PACRG: variants seen among roughly 807,000 people sequenced by gnomAD.
PACRG encodes the protein parkin coregulated, also known as parkin coregulated gene protein.
Under a neutral mutation model 29.7 loss-of-function variants are expected in PACRG, and 29 were observed. The observed-to-expected ratio is 0.98, with a 90% CI of 0.73 to 1.33. The LOEUF (loss-of-function observed/expected upper bound fraction) is 1.33, where lower values mean the gene tolerates loss of function less well. Among genes scored for constraint, PACRG ranks in the 40% most tolerant of loss-of-function variants. The pLI is 0.00. For missense variants in PACRG, 279 were observed against 316.2 expected (o/e 0.88, Z 0.89); for synonymous variants, 116 against 118.7 (o/e 0.98, Z 0.15).
chr6:162,728,227 T>C lies in PACRG; in HGVS notation c.-9T>C. The C allele has an allele frequency of 6.2e-7, 1 of 1,612,716 alleles. No homozygotes were observed. Among genetic ancestry groups the C allele is most frequent in the South Asian group, 1.1e-5 (1 of 91,024 alleles). ...CACTTTTTATGAGAACAAGACATTT[T>C]CTAGGAAGATGGTGGCAGAAAAAGA... On this transcript the variant is annotated 5_prime_UTR_variant, in exon 1 of 5. Transcript: ENST00000366888.
intron 4 of PACRG, among the ~76,000 whole-genome samples, chr6:163,194,331 T>C (rs1189417956): frequency 6.6e-6 from 1 of 152,216 alleles, no homozygotes; most frequent in Non-Finnish European, 1.5e-5. Context: ...TTCCTCTTGA[T>C]GTCTCTCTTT....
At chr6:162,823,732 C>G (rs1788039987) in intron 2 of PACRG, among the ~76,000 whole-genome samples, 1 of 152,102 alleles carries the variant, frequency 6.6e-6, no homozygotes, top group Non-Finnish European at 1.5e-5. Context: ...CCAAGATGGT[C>G]TCGATCTCCT....
At chr6:163,300,570 G>C (rs1189440722) in intron 4 of PACRG, among the ~76,000 whole-genome samples, 4 of 152,216 alleles carry the variant, frequency 2.6e-5, no homozygotes, top group Non-Finnish European at 5.9e-5. Flanking sequence ...TCTCCTCGTG[G>C]CCAGCAACGG....
intron 2 of PACRG, among the ~76,000 whole-genome samples, chr6:162,944,834 C>T (rs181327580): frequency 1.3e-5 from 2 of 151,514 alleles, no homozygotes; most frequent in East Asian, 1.9e-4. Context: ...TATAAGACAC[C>T]ATAAAGTGTC....
intron 1 of PACRG, among the ~76,000 whole-genome samples, chr6:162,775,460 A>G (rs187303986): frequency 6.6e-6 from 1 of 152,376 alleles, no homozygotes; most frequent in African/African-American, 2.4e-5. Flanking sequence ...TCAATTTTAC[A>G]TAATACAAAT....
chr6:162,797,862 G>A (rs753720742), intron 1 of PACRG, among the ~76,000 whole-genome samples: 4 of 151,396 alleles, frequency 2.6e-5, no homozygotes, highest in Non-Finnish European at 5.9e-5. Flanking sequence ...CTTGCTTTCC[G>A]AATTCTGGTG....
chr6:162,793,684 C>T (rs185512194), intron 1 of PACRG, among the ~76,000 whole-genome samples: 1 of 152,316 alleles, frequency 6.6e-6, no homozygotes, highest in African/African-American at 2.4e-5. Context: ...ATGTGTCAGG[C>T]TATGGAATTT....
intron 1 of PACRG, among the ~76,000 whole-genome samples, chr6:162,760,543 C>T (rs183580582): frequency 1.5e-3 from 235 of 152,052 alleles, no homozygotes; most frequent in Admixed American, 3.7e-3. Flanking sequence ...CCAAACTAGG[C>T]GCTTATGTTT....
At chr6:163,123,542 A>G in intron 4 of PACRG, among the ~76,000 whole-genome samples, 1 of 152,172 alleles carries the variant, frequency 6.6e-6, no homozygotes, top group Non-Finnish European at 1.5e-5. Context: ...TCCTAACAGA[A>G]TTTTAAGTGC....
intron 4 of PACRG, among the ~76,000 whole-genome samples, chr6:163,301,675 G>A (rs1344414984): frequency 1.3e-5 from 2 of 152,158 alleles, no homozygotes; most frequent in Non-Finnish European, 2.9e-5. Context: ...CGTTCTGTGG[G>A]GCTATACTTC....
chr6:163,067,784 T>G (rs1393049134), intron 3 of PACRG, among the ~76,000 whole-genome samples: 1 of 152,210 alleles, frequency 6.6e-6, no homozygotes, highest in Non-Finnish European at 1.5e-5. Flanking sequence ...CAAACATACC[T>G]TCTTCCCCAC....
intron 4 of PACRG, among the ~76,000 whole-genome samples, chr6:163,133,802 A>G (rs1259756952): frequency 6.6e-6 from 1 of 152,172 alleles, no homozygotes; most frequent in Non-Finnish European, 1.5e-5. Context: ...TTTACTTGCT[A>G]TTTAGCTGCA....
intron 2 of PACRG, among the ~76,000 whole-genome samples, chr6:163,033,371 A>G (rs1283099488): frequency 1.3e-5 from 2 of 152,264 alleles, no homozygotes; most frequent in African/African-American, 4.8e-5. Context: ...TCCAAAATAA[A>G]TGGAACAGTT....
chr6:162,957,758 A>G (rs1237795065), intron 2 of PACRG, among the ~76,000 whole-genome samples: 2 of 152,132 alleles, frequency 1.3e-5, no homozygotes, highest in African/African-American at 4.8e-5. Context: ...ACTCGAATTT[A>G]ATCTGAGTTA....
intron 4 of PACRG, among the ~76,000 whole-genome samples, chr6:163,305,887 C>T (rs1441374847): frequency 1.3e-5 from 2 of 152,190 alleles, no homozygotes; most frequent in Non-Finnish European, 2.9e-5. Flanking sequence ...GCTGATGATA[C>T]GGGGCTAAAG....
intron 2 of PACRG, among the ~76,000 whole-genome samples, chr6:162,974,141 A>G (rs781476273): frequency 2.0e-5 from 3 of 152,248 alleles, no homozygotes; most frequent in South Asian, 2.1e-4. Context: ...AGTTGCCTGC[A>G]TTGACGGGGC....
In PACRG at chr6:163,261,074, C is replaced by CA. The variant is rs759577211; in HGVS notation, c.614-53745dup. ...TCCAAAAACAGCCACGACATCAATG[C>CA]AAAAAAAATGTTGTTTTCCAGGAGT... On this transcript the variant is annotated intron_variant, in intron 4 of 4. Coordinates refer to ENST00000366888, the MANE Select transcript of PACRG (RefSeq NM_001080379.2). Among the ~76,000 whole-genome samples, 170 of 151,656 alleles carry CA rather than the reference C, an allele frequency of 1.1e-3. 1 individual carries two copies. Among genetic ancestry groups the CA allele is most frequent in the East Asian group, 1.2e-3 (6 of 5,140 alleles).
At chr6:163,231,698 C>T (rs1160312578) in intron 4 of PACRG, among the ~76,000 whole-genome samples, 1 of 152,196 alleles carries the variant, frequency 6.6e-6, no homozygotes, top group South Asian at 2.1e-4. Context: ...ACTCCTTTTA[C>T]CCTCAACAAA....
intron 2 of PACRG, among the ~76,000 whole-genome samples, chr6:163,008,880 G>A (rs1004434298): frequency 1.3e-5 from 2 of 151,978 alleles, no homozygotes; most frequent in Admixed American, 6.6e-5. Flanking sequence ...ACCTCCTGAG[G>A]TGAAACTTCA....
Sources: gnomAD v4.1 joint callset for allele counts (sites outside exome capture counted in the v4.1 genomes callset) on GRCh38, gnomAD v4.1.1 for gene constraint, MANE v1.5 for transcripts, NCBI Gene and HGNC (gene_info 2026-07-23, HGNC 2026-07-21) for gene names.